Variants in AFF2 observed in about 807,000 individuals in gnomAD.
AFF2 encodes AF4/FMR2 family member 2.
A neutral mutation model predicts 76.9 loss-of-function variants in AFF2; 14 were observed. That is an observed-to-expected ratio of 0.18 (90% CI 0.12 to 0.28). The LOEUF (loss-of-function observed/expected upper bound fraction) is 0.28, where lower values mean the gene tolerates loss of function less well. AFF2 is among the 10% of genes least tolerant of loss of function. The pLI is 1.00. For missense variants in AFF2, 868 were observed against 1,001.1 expected (o/e 0.87, Z 1.79); for synonymous variants, 398 against 366.7 (o/e 1.09, Z -0.98).
chrX:148,936,538 GGTGAATTGGAATGTC>G (rs2071777320), intron 9 of AFF2, among the ~76,000 whole-genome samples: 1 of 112,557 alleles, frequency 8.9e-6, no homozygotes, highest in East Asian at 2.8e-4. Flanking sequence ...TTCCCACTGT[GGTGAATTGGAATGTC>G]TCCTAGTAGA....
intron 7 of AFF2, among the ~76,000 whole-genome samples, chrX:148,861,245 A>G (rs2070844915): frequency 8.9e-6 from 1 of 111,932 alleles, no homozygotes; most frequent in African/African-American, 3.2e-5. Flanking sequence ...ATATGGTCTT[A>G]TTTATGCCAT....
chrX:148,574,943 GGTGTGTGTGTGTGTGTGTGTGTGTGTGT>G (rs781819721), intron 1 of AFF2, among the ~76,000 whole-genome samples: 1 of 95,647 alleles, frequency 1.0e-5, no homozygotes, highest in East Asian at 3.6e-4. Context: ...ATAGTGCTGG[GGTGTGTGTGTGTGTGTGTGTGTGTGTGT>G]GTGTGTGTGT....
intron 4 of AFF2, among the ~76,000 whole-genome samples, chrX:148,812,406 C>T (rs918756353): frequency 5.4e-5 from 6 of 111,559 alleles, no homozygotes; most frequent in South Asian, 3.9e-4. Flanking sequence ...GCACTAGCCC[C>T]GGAGTGGAGG....
chrX:148,828,999 G>A (rs1251048459), intron 4 of AFF2, among the ~76,000 whole-genome samples: 1 of 111,918 alleles, frequency 8.9e-6, no homozygotes, highest in Non-Finnish European at 1.9e-5. Flanking sequence ...CAGCCAATGT[G>A]AGCTGAACTT....
chrX:148,577,363 T>C (rs892072570), intron 1 of AFF2, among the ~76,000 whole-genome samples: 8 of 112,323 alleles, frequency 7.1e-5, no homozygotes, highest in African/African-American at 1.6e-4. Context: ...TCTTCAGTAA[T>C]GGTGTACGTG....
rs781920514 is a variant in AFF2, at chrX:148,842,970, C to T, written c.1178C>T (p.Ser393Leu). The T allele has an allele frequency of 5.0e-6, 6 of 1,201,288 alleles. No homozygotes were observed. The highest frequency in any genetic ancestry group is 6.8e-6 in the Non-Finnish European group (6 of 888,844). The change falls in exon 6 of 21, where the codon TCG becomes TTG. Residue 393 changes from serine to leucine, a missense_variant. Ser to Leu is a moderately radical substitution (Grantham distance 145). Around this residue, in one of 6 missense-constraint regions of AFF2, gnomAD observed 532 missense variants for 564.2 expected, o/e 0.94. Coordinates refer to ENST00000370460, the MANE Select transcript of AFF2 (RefSeq NM_002025.4). ...CATATATATTATTCCTTATAGGAATCGCAGCATCTGACCCCAGGATTCACC... is the reference window on the plus strand; with the variant it reads ...CATATATATTATTCCTTATAGGAATTGCAGCATCTGACCCCAGGATTCACC... The part of the protein sequence containing the change: ...QSTFSIPGQE[S>L]QHLTPGFTLQ...
At chrX:148,649,602 A>T (rs1557256079) in intron 1 of AFF2, among the ~76,000 whole-genome samples, 1 of 112,199 alleles carries the variant, frequency 8.9e-6, no homozygotes, top group East Asian at 2.8e-4. Context: ...TGCTATTCAA[A>T]TTTGTGTCTG....
At chrX:148,748,129 T>A (rs782398476) in intron 3 of AFF2, among the ~76,000 whole-genome samples, 88 of 112,179 alleles carry the variant, frequency 7.8e-4, no homozygotes, top group Non-Finnish European at 1.4e-3. Flanking sequence ...ATCAAATTCT[T>A]ATCTGCCTTT....
chrX:148,561,875 A>G (rs1232269997), intron 1 of AFF2, among the ~76,000 whole-genome samples: 1 of 111,232 alleles, frequency 9.0e-6, no homozygotes, highest in African/African-American at 3.3e-5. Flanking sequence ...TTTTTTACTA[A>G]AAGAAAAAAA....
chrX:148,916,372 G>A (rs368795666), intron 9 of AFF2, among the ~76,000 whole-genome samples: 64 of 107,868 alleles, frequency 5.9e-4, no homozygotes, highest in African/African-American at 2.1e-3. Flanking sequence ...ACCACGCCCG[G>A]CTAATTTTTT....
chrX:148,782,709 A>G (rs1194992082), intron 3 of AFF2, among the ~76,000 whole-genome samples: 1 of 111,459 alleles, frequency 9.0e-6, no homozygotes, highest in Non-Finnish European at 1.9e-5. Context: ...ATGCCCTTTA[A>G]TTTAGCCTAA....
intron 3 of AFF2, among the ~76,000 whole-genome samples, chrX:148,708,156 A>G (rs373563254): frequency 1.3e-4 from 15 of 111,848 alleles, no homozygotes; most frequent in East Asian, 1.1e-3. Flanking sequence ...TGTTCTGGTA[A>G]TTGGATCTTT....
chrX:148,576,977 TCA>T (rs1325456454), intron 1 of AFF2, among the ~76,000 whole-genome samples: 1 of 111,997 alleles, frequency 8.9e-6, no homozygotes, highest in African/African-American at 3.2e-5. Context: ...CTAGGGCTGC[TCA>T]GTCACAGGTT....
chrX:148,932,023 C>T (rs2071719844), intron 9 of AFF2, among the ~76,000 whole-genome samples: 1 of 112,130 alleles, frequency 8.9e-6, no homozygotes, highest in African/African-American at 3.2e-5. Flanking sequence ...ACTCTCCCAC[C>T]AAATCTGCCT....
rs190264575 is a variant in AFF2 at position 148,642,527 on chromosome X, A to G, written c.48-9472A>G. Among the ~76,000 whole-genome samples the G allele has an allele frequency of 5.0e-3, 560 of 112,385 alleles. 3 individuals are homozygous for G. Among genetic ancestry groups the G allele is most frequent in the African/African-American group, 0.018 (550 of 30,924 alleles). On this transcript the variant is annotated intron_variant, in intron 1 of 20. Transcript: ENST00000370460. ...AGAATTCCTGATATTTAATGGGCCT[A>G]GAGAGGAAATACTTCAGGTAGCTTT...
rs145584567 is a variant in AFF2, at chrX:148,986,151, A to C, written c.3624-1216A>C. Among the ~76,000 whole-genome samples the C allele has an allele frequency of 1.2e-3, 133 of 110,254 alleles. 1 individual carries two copies. The East Asian group carries it at 0.034, about 28-fold the overall frequency. On this transcript the variant is annotated intron_variant, in intron 19 of 20. Coordinates refer to ENST00000370460, the MANE Select transcript of AFF2 (RefSeq NM_002025.4). ...GACAGAGTTCCTTGATTGTGTGATAAGGTGTGTTCAGAGGAATAATGAAGA... is the reference window on the plus strand; with the variant it reads ...GACAGAGTTCCTTGATTGTGTGATACGGTGTGTTCAGAGGAATAATGAAGA...
chrX:148,947,208 A>G (rs2071910535), intron 9 of AFF2, among the ~76,000 whole-genome samples: 1 of 112,519 alleles, frequency 8.9e-6, no homozygotes, highest in Admixed American at 9.4e-5. Context: ...CAATCTTTTT[A>G]TGAAGTTATA....
At chrX:148,858,398 A>T (rs1173562745) in intron 7 of AFF2, among the ~76,000 whole-genome samples, 2 of 111,575 alleles carry the variant, frequency 1.8e-5, no homozygotes, top group Non-Finnish European at 3.8e-5. Flanking sequence ...CCATACAGAT[A>T]AAAAGGTAGT....
In AFF2 at chrX:148,934,072, C is replaced by T. The variant is rs782579517; in HGVS notation, c.1398-19508C>T. 7.1e-5 allele frequency among the ~76,000 whole-genome samples: 8 copies of T among 112,666 alleles called. No homozygotes were observed. The South Asian group carries it at 1.1e-3, about 16-fold the overall frequency. On this transcript the variant is annotated intron_variant, in intron 9 of 20. Transcript: ENST00000370460. ...CATATCCGTGAAATCTGACTGCTGA[C>T]GCATAAACACACAGCATTCACACAC...
Sources: allele counts gnomAD v4.1 joint callset (sites outside exome capture counted in the v4.1 genomes callset), GRCh38; gene constraint gnomAD v4.1.1; regional missense constraint gnomAD v4.1.1; transcripts MANE v1.5; gene names NCBI Gene and HGNC (gene_info 2026-07-23, HGNC 2026-07-21).